TOX: variants seen among roughly 807,000 people sequenced by gnomAD.
TOX encodes the protein thymocyte selection-associated high mobility group box protein TOX.
A neutral mutation model predicts 53.7 loss-of-function variants in TOX; 11 were observed. That is an observed-to-expected ratio of 0.20 (90% CI 0.13 to 0.34). TOX has a LOEUF of 0.34. Among genes scored for constraint, TOX ranks in the 10% least tolerant of loss-of-function variants. The pLI is 1.00. For synonymous variants in TOX, 225 were observed against 245.3 expected, an observed-to-expected ratio of 0.92 and a Z score of 0.77; for missense variants, 570 against 664.6, an observed-to-expected ratio of 0.86 and a Z score of 1.56.
rs1215091351 is a variant in TOX, at chr8:59,118,290, C to T, written c.102+596G>A. 6.6e-6 allele frequency among the ~76,000 whole-genome samples: 1 copy of T among 152,248 alleles called. No homozygotes were observed. The highest frequency in any genetic ancestry group is 6.5e-5 in the Admixed American group (1 of 15,294). ...CTTGACCCAGCTACCCCGCTGTGCT[C>T]TGGCCCGCGGACCTGTGTCCGAACC... On this transcript the variant is annotated intron_variant, in intron 1 of 8. Coordinates refer to ENST00000361421, the MANE Select transcript of TOX (RefSeq NM_014729.3). The surrounding 1 kb of genome is among the most constrained non-coding windows in gnomAD (Gnocchi z 4.1).
rs1416656574 is a variant in TOX, at chr8:59,119,107, C to T, written c.-120G>A. 118 of 598,750 alleles carry T rather than the reference C, an allele frequency of 2.0e-4. No individual in the cohort carries two copies. Among genetic ancestry groups the T allele is most frequent in the Non-Finnish European group, 3.1e-4 (106 of 342,922 alleles). 37.1% of individuals were successfully genotyped at this position (598,750 alleles called of 1,614,324 possible). A position where few individuals can be genotyped will look rare whatever the true frequency, so the allele number is the denominator to read the frequency against. On this transcript the variant is annotated 5_prime_UTR_variant, in exon 1 of 9. Transcript: ENST00000361421. The stretch of plus-strand genomic sequence containing the variant: ...GGCTCAGGAGTAAAAGAAACACCTT[C>T]CTTCCCTCACATCCGTTTGTGGTTT...
At chr8:58,905,505 T>C (rs1811797957) in intron 3 of TOX, among the ~76,000 whole-genome samples, 1 of 152,232 alleles carries the variant, frequency 6.6e-6, no homozygotes, top group South Asian at 2.1e-4. Flanking sequence ...ACACTTATGC[T>C]GTCAGAGAGT....
intron 3 of TOX, among the ~76,000 whole-genome samples, chr8:58,873,958 C>CTTTTTTGTTTTTTTTTTTT (rs1811239981): frequency 2.5e-5 from 1 of 40,128 alleles, no homozygotes; most frequent in East Asian, 7.7e-4. Flanking sequence ...TGCCAGGAAG[C>CTTTTTTGTTTTTTTTTTTT]TTTTTTTTTT....
rs1319450519 is a variant in TOX, at chr8:58,806,088, AT to A, written c.*1658del. ...AATCTGCTAGCTTTTTCTTTTTTTAATGTGAAAGCTATGCAAGCCCTCAGGC... is the reference window on the plus strand; with the variant it reads ...AATCTGCTAGCTTTTTCTTTTTTTAAGTGAAAGCTATGCAAGCCCTCAGGC... On this transcript the variant is annotated 3_prime_UTR_variant, in exon 9 of 9. Coordinates refer to ENST00000361421, the MANE Select transcript of TOX (RefSeq NM_014729.3). 1 of 152,294 alleles carries A rather than the reference AT, an allele frequency of 6.6e-6. No homozygotes were observed. Among genetic ancestry groups the A allele is most frequent in the Admixed American group, 6.5e-5 (1 of 15,296 alleles). The allele number at this position is 152,294 out of a possible 1,614,324, so 9.4% of individuals were successfully genotyped here. A position where few individuals can be genotyped will look rare whatever the true frequency, so the allele number is the denominator to read the frequency against.
rs544482294 is a variant in TOX, at chr8:59,000,779, G to A, written c.103-40771C>T. Among the ~76,000 whole-genome samples, 9 of 152,122 alleles carry A rather than the reference G, an allele frequency of 5.9e-5. No homozygotes were observed. The East Asian group carries it at 9.6e-4, about 16-fold the overall frequency. ...TATATCAGTGATCAAAAATATACAC[G>A]CATACACATTAAAGAGATCAAACCC... On this transcript the variant is annotated intron_variant, in intron 1 of 8. Coordinates refer to ENST00000361421, the MANE Select transcript of TOX (RefSeq NM_014729.3).
Position 59,096,474 on chromosome 8 carries a change from A to G in TOX, c.102+22412T>C, listed in dbSNP as rs189856715. Among the ~76,000 whole-genome samples the G allele has an allele frequency of 3.3e-4, 50 of 152,370 alleles. No individual in the cohort carries two copies. The East Asian group carries it at 6.2e-3, about 19-fold the overall frequency. ...ATACATGTTAATGAAACTGTATTCA[A>G]TAAAATCCAGATTGCCCTGTAGAAT... On this transcript the variant is annotated intron_variant, in intron 1 of 8. Transcript: ENST00000361421.
intron 1 of TOX, among the ~76,000 whole-genome samples, chr8:59,106,615 G>C (rs1281160554): frequency 6.6e-6 from 1 of 152,156 alleles, no homozygotes; most frequent in East Asian, 1.9e-4. Context: ...CGGCTGACCT[G>C]CAGAGATATG....
rs369571154 is a variant in TOX, at chr8:58,871,302, T to C, written c.412-19497A>G. On this transcript the variant is annotated intron_variant, in intron 3 of 8. Transcript: ENST00000361421. ...AGCAAAGGGGGCTTTTTTAGGGTGGTATTATTCCGTATGATACTGTAATAG... is the reference window on the plus strand; with the variant it reads ...AGCAAAGGGGGCTTTTTTAGGGTGGCATTATTCCGTATGATACTGTAATAG... 2.6e-5 allele frequency among the ~76,000 whole-genome samples: 4 copies of C among 152,130 alleles called. No homozygotes were observed. In the East Asian group the frequency reaches 7.7e-4, roughly 29 times the overall value.
At chr8:59,043,900 G>A (rs943841374) in intron 1 of TOX, among the ~76,000 whole-genome samples, 3 of 152,194 alleles carry the variant, frequency 2.0e-5, no homozygotes, top group South Asian at 4.1e-4. Flanking sequence ...ACAGTAGAGA[G>A]GGACCAAGAC....
At chr8:58,934,276 A>G (rs1042562700) in intron 3 of TOX, among the ~76,000 whole-genome samples, 5 of 152,186 alleles carry the variant, frequency 3.3e-5, no homozygotes, top group African/African-American at 1.2e-4. Flanking sequence ...CTAACAATAA[A>G]ATGGCACAGA....
intron 1 of TOX, among the ~76,000 whole-genome samples, chr8:58,992,584 C>T (rs1425282072): frequency 6.6e-6 from 1 of 152,130 alleles, no homozygotes; most frequent in African/African-American, 2.4e-5. Context: ...AAATCTTTGG[C>T]ACTAATTAGC....
chr8:59,042,571 A>G (rs1803610735), intron 1 of TOX, among the ~76,000 whole-genome samples: 1 of 152,214 alleles, frequency 6.6e-6, no homozygotes, highest in South Asian at 2.1e-4. Context: ...CCACAAATTC[A>G]TCTTTGCTGA....
At chr8:58,968,827 C>G (rs1253010149) in intron 1 of TOX, among the ~76,000 whole-genome samples, 1 of 152,004 alleles carries the variant, frequency 6.6e-6, no homozygotes, top group East Asian at 1.9e-4. Flanking sequence ...AGTCAAGGCA[C>G]TGGAAAGGTT....
intron 1 of TOX, among the ~76,000 whole-genome samples, chr8:58,977,625 G>A (rs945704892): frequency 4.6e-5 from 7 of 152,168 alleles, no homozygotes; most frequent in Non-Finnish European, 7.3e-5. Flanking sequence ...AGTGAGAGAT[G>A]TGAGACTCTT....
chr8:58,808,010 T>C, intron 8 of TOX, 108 bp downstream of exon 8: 1 of 1,461,174 alleles, frequency 6.8e-7, no homozygotes, highest in Non-Finnish European at 9.2e-7. Context: ...TTCATGAACG[T>C]GAAACTATCC....
At chr8:58,972,349 G>A (rs976735180) in intron 1 of TOX, among the ~76,000 whole-genome samples, 7 of 152,134 alleles carry the variant, frequency 4.6e-5, no homozygotes, top group Admixed American at 2.0e-4. Flanking sequence ...GCAAAGTGCT[G>A]TTGAACTCTT....
intron 4 of TOX, among the ~76,000 whole-genome samples, chr8:58,844,195 T>C (rs930057869): frequency 1.3e-5 from 2 of 152,190 alleles, no homozygotes; most frequent in Non-Finnish European, 2.9e-5. Context: ...ATAGATATGC[T>C]CTCTGCCGTG....
intron 5 of TOX, among the ~76,000 whole-genome samples, chr8:58,828,174 A>G (rs1383815286): frequency 6.6e-6 from 1 of 152,236 alleles, no homozygotes; most frequent in African/African-American, 2.4e-5. Flanking sequence ...GCTGAGCCCA[A>G]CGCCAGCTAT....
intron 1 of TOX, among the ~76,000 whole-genome samples, chr8:59,046,858 CAAAAAAAAAAAAAAAA>C (rs34869193): frequency 1.3e-5 from 1 of 77,910 alleles, no homozygotes; most frequent in Admixed American, 1.8e-4. Flanking sequence ...GACTATGTCT[CAAAAAAAAAAAAAAAA>C]AAAAAAAAAG....
Sources: allele counts gnomAD v4.1 joint callset (sites outside exome capture counted in the v4.1 genomes callset), GRCh38; gene constraint gnomAD v4.1.1; non-coding constraint Gnocchi (gnomAD v3.1); transcripts MANE v1.5; gene names NCBI Gene and HGNC (gene_info 2026-07-23, HGNC 2026-07-21).